The following AGPAT5 variants were observed in gnomAD, a reference collection of about 807,000 sequenced individuals.
AGPAT5 encodes the protein 1-acyl-sn-glycerol-3-phosphate acyltransferase epsilon.
A neutral mutation model predicts 45.6 loss-of-function variants in AGPAT5; 46 were observed. The ratio of observed to expected loss-of-function variants is 1.01; its 90% confidence interval spans 0.80 to 1.29. AGPAT5 has a LOEUF of 1.29. Ranked by LOEUF, AGPAT5 falls within the 50% of genes most tolerant of loss-of-function variation. The probability of loss-of-function intolerance (pLI) is 0.00; values close to 1 mark genes in which losing one functional copy is unlikely to be tolerated. For synonymous variants in AGPAT5, 272 were observed against 167.0 expected, an observed-to-expected ratio of 1.63 and a Z score of -4.85; for missense variants, 673 against 450.7, an observed-to-expected ratio of 1.49 and a Z score of -4.47.
At chr8:6,735,586 T>G (rs1801023529) in intron 4 of AGPAT5, among the ~76,000 whole-genome samples, 1 of 152,218 alleles carries the variant, frequency 6.6e-6, no homozygotes, top group Admixed American at 6.5e-5. Flanking sequence ...CTCCTTTGAG[T>G]TTTCCATGTT....
At chr8:6,740,776 T>C (rs1480863296) in intron 4 of AGPAT5, among the ~76,000 whole-genome samples, 2 of 152,064 alleles carry the variant, frequency 1.3e-5, no homozygotes, top group African/African-American at 4.8e-5. Context: ...TAGACAGTGT[T>C]GTCTGAGTAC....
Position 6,758,314 on chromosome 8 carries a change from C to T in AGPAT5, c.*926C>T, listed in dbSNP as rs950664254. 5.9e-5 allele frequency: 9 copies of T among 152,622 alleles called. No individual in the cohort carries two copies. Among genetic ancestry groups the T allele is most frequent in the East Asian group, 3.9e-4 (2 of 5,194 alleles). The allele number at this position is 152,622 out of a possible 1,614,324, so 9.5% of individuals were successfully genotyped here. On this transcript the variant is annotated 3_prime_UTR_variant, in exon 8 of 8. Transcript: ENST00000285518. ...CAGACATTCTGCCTAGATTTACTAG[C>T]GTGTGCCTTTTGCCTGCTTCTCTTT...
At chr8:6,710,513 A>T (rs888121990) in intron 1 of AGPAT5, among the ~76,000 whole-genome samples, 6 of 152,232 alleles carry the variant, frequency 3.9e-5, no homozygotes, top group South Asian at 2.1e-4. Flanking sequence ...GAACGAACTG[A>T]TTGCCCACTG....
intron 1 of AGPAT5, among the ~76,000 whole-genome samples, chr8:6,718,392 G>T (rs1405930487): frequency 6.6e-6 from 1 of 152,214 alleles, no homozygotes; most frequent in East Asian, 1.9e-4. Flanking sequence ...TGTGTGTACA[G>T]TCGTGACCTC....
Position 6,727,104 on chromosome 8 carries a change from A to G in AGPAT5, c.289+2165A>G, listed in dbSNP as rs147588513. 7.7e-3 allele frequency among the ~76,000 whole-genome samples: 1,176 copies of G among 152,280 alleles called. 11 individuals are homozygous for G. The highest frequency in any genetic ancestry group is 0.013 in the Non-Finnish European group (870 of 68,010). On this transcript the variant is annotated intron_variant, in intron 2 of 7. Coordinates refer to ENST00000285518, the MANE Select transcript of AGPAT5 (RefSeq NM_018361.5). Reference sequence around the variant, plus strand: ...AGGAATCACAACAGAGTATCTCTGAAAATGTAATTAGCGGAAAGAATATTT... The same window carrying G: ...AGGAATCACAACAGAGTATCTCTGAGAATGTAATTAGCGGAAAGAATATTT...
chr8:6,754,539 GC>G lies in AGPAT5; in HGVS notation c.746-509del, dbSNP rs1801766732. ...TGAGGATTATCAGGCGCCTGTGAGT[GC>G]CCAGCTGTGTGCCAGGTCAGGAGGT... On this transcript the variant is annotated intron_variant, in intron 6 of 7. Coordinates refer to ENST00000285518, the MANE Select transcript of AGPAT5 (RefSeq NM_018361.5). 3.9e-5 allele frequency among the ~76,000 whole-genome samples: 6 copies of G among 152,260 alleles called. No homozygotes were observed. In the South Asian group the frequency reaches 1.2e-3, roughly 32 times the overall value.
At chr8:6,721,044 G>C (rs1800479505) in intron 1 of AGPAT5, among the ~76,000 whole-genome samples, 1 of 152,210 alleles carries the variant, frequency 6.6e-6, no homozygotes, top group South Asian at 2.1e-4. Context: ...TTTGTCATCT[G>C]TTAGGTTCCA....
chr8:6,728,023 A>C (rs577644793), intron 2 of AGPAT5, among the ~76,000 whole-genome samples: 10 of 152,336 alleles, frequency 6.6e-5, no homozygotes, highest in Admixed American at 5.9e-4. Flanking sequence ...CCATTAGCAT[A>C]GCGCTGGATC....
At chr8:6,721,939 T>G (rs1800517585) in intron 1 of AGPAT5, among the ~76,000 whole-genome samples, 1 of 152,092 alleles carries the variant, frequency 6.6e-6, no homozygotes. Context: ...GCGATTCTTC[T>G]GCTTGAGATT....
At chr8:6,711,910 T>G (rs969802139) in intron 1 of AGPAT5, among the ~76,000 whole-genome samples, 25 of 152,222 alleles carry the variant, frequency 1.6e-4, no homozygotes, top group African/African-American at 5.5e-4. Flanking sequence ...ACCTGGATAT[T>G]CCGGGATGAT....
At chr8:6,712,901 T>A (rs995647146) in intron 1 of AGPAT5, among the ~76,000 whole-genome samples, 1 of 152,208 alleles carries the variant, frequency 6.6e-6, no homozygotes, top group African/African-American at 2.4e-5. Flanking sequence ...GCTTCTTTTT[T>A]AAAAAATTTC....
chr8:6,713,177 C>T (rs748112361), intron 1 of AGPAT5, among the ~76,000 whole-genome samples: 2 of 152,100 alleles, frequency 1.3e-5, no homozygotes, highest in Non-Finnish European at 2.9e-5. Flanking sequence ...TCTGTGTTGC[C>T]CAGGCTGGTC....
At chr8:6,732,152 T>C (rs1800885781) in intron 3 of AGPAT5, among the ~76,000 whole-genome samples, 1 of 141,966 alleles carries the variant, frequency 7.0e-6, no homozygotes, top group Non-Finnish European at 1.5e-5. Flanking sequence ...GCAGGATTGA[T>C]TTTTTAAAAT....
chr8:6,720,575 G>T (rs12548581), intron 1 of AGPAT5, among the ~76,000 whole-genome samples: 1 of 151,994 alleles, frequency 6.6e-6, no homozygotes, highest in Non-Finnish European at 1.5e-5. Flanking sequence ...TCCTATGGAT[G>T]CTACCAAGCC....
Position 6,759,520 on chromosome 8 carries a change from T to A in AGPAT5, c.*2132T>A, listed in dbSNP as rs763988189. ...AAGTCTTTTCACATATCATTTAAAC[T>A]TTTGTTTGTATTATTACTGATTTAC... On this transcript the variant is annotated 3_prime_UTR_variant, in exon 8 of 8. Transcript: ENST00000285518. The A allele has an allele frequency of 5.9e-5, 9 of 152,248 alleles. No individual in the cohort carries two copies. The highest frequency in any genetic ancestry group is 1.0e-4 in the Non-Finnish European group (7 of 68,040). The allele number at this position is 152,248 out of a possible 1,614,324, so 9.4% of individuals were successfully genotyped here. A position where few individuals can be genotyped will look rare whatever the true frequency, so the allele number is the denominator to read the frequency against.
rs1183515405 is a variant in AGPAT5, at chr8:6,738,773, G to GT, written c.496-2881dup. Among the ~76,000 whole-genome samples, 5 of 151,852 alleles carry GT rather than the reference G, an allele frequency of 3.3e-5. No homozygotes were observed. In the East Asian group the frequency reaches 7.7e-4, roughly 23 times the overall value. On this transcript the variant is annotated intron_variant, in intron 4 of 7. Transcript: ENST00000285518. The stretch of plus-strand genomic sequence containing the variant: ...AATAGTATCTTTTTTGAGTACGTGT[G>GT]TTTTTTTATTTTTATACATTTATAT...
chr8:6,709,667 G>A (rs990456673), intron 1 of AGPAT5: 1 of 151,532 alleles, frequency 6.6e-6, no homozygotes, highest in African/African-American at 2.4e-5. Context: ...ACTTTTCTTG[G>A]TAGGGTTAGG....
rs963804832 is a variant in AGPAT5 at position 6,758,563 on chromosome 8, T to A, written c.*1175T>A. On this transcript the variant is annotated 3_prime_UTR_variant, in exon 8 of 8. Coordinates refer to ENST00000285518, the MANE Select transcript of AGPAT5 (RefSeq NM_018361.5). The stretch of plus-strand genomic sequence containing the variant: ...CAGCTACTGCAGAGGCATTTTGCAT[T>A]TGTCTGTGTCAAGAAGTTCACCTTC... The A allele has an allele frequency of 3.3e-5, 5 of 152,358 alleles. No homozygotes were observed. The highest frequency in any genetic ancestry group is 9.6e-5 in the African/African-American group (4 of 41,464). The allele number at this position is 152,358 out of a possible 1,614,324, so 9.4% of individuals were successfully genotyped here. A position where few individuals can be genotyped will look rare whatever the true frequency, so the allele number is the denominator to read the frequency against.
intron 5 of AGPAT5, 128 bp from the exon 6 acceptor site, chr8:6,747,542 A>T (rs1563304045): frequency 2.3e-6 from 2 of 864,218 alleles, no homozygotes; most frequent in East Asian, 2.7e-5. Context: ...CCCTAAATAT[A>T]TGAGGTTGTG....
Sources: allele counts gnomAD v4.1 joint callset (sites outside exome capture counted in the v4.1 genomes callset), GRCh38; gene constraint gnomAD v4.1.1; transcripts MANE v1.5; gene names NCBI Gene and HGNC (gene_info 2026-07-23, HGNC 2026-07-21).